IRAK2: variants seen among roughly 807,000 people sequenced by gnomAD.
The protein encoded by IRAK2 is interleukin 1 receptor associated kinase 2, also known as interleukin-1 receptor-associated kinase-like 2.
In IRAK2, 57 loss-of-function variants were observed where a neutral mutation model predicts 72.0. That is an observed-to-expected ratio of 0.79 (90% CI 0.64 to 0.99). IRAK2 has a LOEUF of 0.99. Among genes scored for constraint, IRAK2 ranks in the 50% least tolerant of loss-of-function variants. IRAK2 has a pLI of 0.00. For synonymous variants in IRAK2, 293 were observed against 312.7 expected, an observed-to-expected ratio of 0.94 and a Z score of 0.67; for missense variants, 790 against 794.4, an observed-to-expected ratio of 0.99 and a Z score of 0.07.
Position 10,214,553 on chromosome 3 carries a change from T to A in IRAK2, c.788+1005T>A, listed in dbSNP as rs547889517. On this transcript the variant is annotated intron_variant, in intron 6 of 12. Transcript: ENST00000256458. ...GCCATGTGTGTGCTTTTTTTTTTTT[T>A]AATTATTTTTCATCTGAAACACTTG... is the stretch of plus-strand genomic sequence containing the variant. 9.9e-5 allele frequency among the ~76,000 whole-genome samples: 15 copies of A among 151,046 alleles called. No individual in the cohort carries two copies. In the East Asian group the frequency reaches 1.9e-3, roughly 19 times the overall value.
chr3:10,224,091 C>G (rs1363422426), intron 9 of IRAK2, among the ~76,000 whole-genome samples: 1 of 152,082 alleles, frequency 6.6e-6, no homozygotes, highest in Non-Finnish European at 1.5e-5. Flanking sequence ...AATCTCAGTA[C>G]TTTGGGAGGC....
chr3:10,234,916 T>A (rs1035745329), intron 11 of IRAK2, among the ~76,000 whole-genome samples: 1 of 152,238 alleles, frequency 6.6e-6, no homozygotes, highest in Non-Finnish European at 1.5e-5. Context: ...TCTCTGTGAA[T>A]CGGCTTTATT....
Position 10,242,333 on chromosome 3 carries a change from C to A in IRAK2, c.*105C>A. ...CCAAGATCTGCCAGGAAACACACAA[C>A]AAAACATCTGCTGTCCTGGGTGGGA... On this transcript the variant is annotated 3_prime_UTR_variant, in exon 13 of 13. Coordinates refer to ENST00000256458, the MANE Select transcript of IRAK2 (RefSeq NM_001570.4). 1.6e-6 allele frequency: 1 copy of A among 635,050 alleles called. No homozygotes were observed. Among genetic ancestry groups the A allele is most frequent in the Non-Finnish European group, 2.8e-6 (1 of 362,016 alleles). 39.3% of individuals were successfully genotyped at this position (635,050 alleles called of 1,614,324 possible).
At chr3:10,215,331 T>C (rs1442709662) in intron 6 of IRAK2, among the ~76,000 whole-genome samples, 2 of 146,240 alleles carry the variant, frequency 1.4e-5, no homozygotes, top group Non-Finnish European at 3.0e-5. Context: ...AAAGTGGAGG[T>C]TGCAGTGAGC....
intron 3 of IRAK2, among the ~76,000 whole-genome samples, chr3:10,207,550 C>G (rs994278426): frequency 2.0e-5 from 3 of 152,176 alleles, no homozygotes; most frequent in Non-Finnish European, 2.9e-5. Context: ...GAGGAGCCCC[C>G]CTACCAGATG....
At chr3:10,176,927 C>T (rs1412825520) in intron 1 of IRAK2, among the ~76,000 whole-genome samples, 3 of 151,436 alleles carry the variant, frequency 2.0e-5, no homozygotes, top group African/African-American at 7.3e-5. Context: ...CTCAGCCTCC[C>T]GAGTAGCTGG....
rs1487846635 is a variant in IRAK2 at position 10,242,826 on chromosome 3, GTC to G, written c.*601_*602del. The G allele has an allele frequency of 6.6e-6, 1 of 152,172 alleles. No individual in the cohort carries two copies. Among genetic ancestry groups the G allele is most frequent in the Non-Finnish European group, 1.5e-5 (1 of 68,084 alleles). The allele number at this position is 152,172 out of a possible 1,614,324, so 9.4% of individuals were successfully genotyped here. Reference sequence around the variant, plus strand: ...CTGGCCTGGAAGACTTTCAACTTGTGTCTCAGTGCAGTTCTTGACTCACCTCT... The same window carrying G: ...CTGGCCTGGAAGACTTTCAACTTGTGTCAGTGCAGTTCTTGACTCACCTCT... On this transcript the variant is annotated 3_prime_UTR_variant, in exon 13 of 13. Transcript: ENST00000256458.
At position 10,201,106 on chromosome 3, in the gene IRAK2, C is replaced by G. The variant is rs377496431; in HGVS notation, c.424+591C>G. Among the ~76,000 whole-genome samples the G allele has an allele frequency of 3.3e-4, 51 of 152,276 alleles. No individual in the cohort carries two copies. The East Asian group carries it at 7.3e-3, about 22-fold the overall frequency. ...ATTTTTGTGAGCAGAAAAGAAATAG[C>G]TCGGTAATTGGAGGCTTTCTAGTGC... is the stretch of plus-strand genomic sequence containing the variant. On this transcript the variant is annotated intron_variant, in intron 3 of 12. Transcript: ENST00000256458.
chr3:10,166,510 A>G (rs972519079), intron 1 of IRAK2, among the ~76,000 whole-genome samples: 12 of 152,236 alleles, frequency 7.9e-5, no homozygotes, highest in Admixed American at 1.3e-4. Context: ...TCTGAGCCTC[A>G]GCTTCTGAAT....
chr3:10,183,957 G>GTGAC (rs1304027599), intron 2 of IRAK2, among the ~76,000 whole-genome samples: 2 of 152,162 alleles, frequency 1.3e-5, no homozygotes, highest in African/African-American at 4.8e-5. Flanking sequence ...TCCCTCTCCT[G>GTGAC]TGACTGCCAG....
chr3:10,235,786 T>A (rs1697946720), intron 11 of IRAK2, among the ~76,000 whole-genome samples: 1 of 152,302 alleles, frequency 6.6e-6, no homozygotes, highest in African/African-American at 2.4e-5. Context: ...GACGAGAAGA[T>A]GAGGCCACAG....
intron 2 of IRAK2, among the ~76,000 whole-genome samples, chr3:10,191,721 T>G (rs1209264825): frequency 6.6e-6 from 1 of 152,226 alleles, no homozygotes; most frequent in African/African-American, 2.4e-5. Context: ...CAGCTTTTCC[T>G]GGCCAGCCTA....
At chr3:10,241,641 C>T (rs947247846) in intron 12 of IRAK2, among the ~76,000 whole-genome samples, 2 of 151,244 alleles carry the variant, frequency 1.3e-5, no homozygotes, top group Non-Finnish European at 1.5e-5. Context: ...TCACGCCTGT[C>T]TGTAATCCTA....
chr3:10,212,808 A>C (rs1404626900), intron 4 of IRAK2, among the ~76,000 whole-genome samples: 1 of 129,714 alleles, frequency 7.7e-6, no homozygotes, highest in Non-Finnish European at 1.6e-5. Context: ...TCTGTCACCC[A>C]GGCTGGAGTG....
In IRAK2 at chr3:10,213,048, G is replaced by A. The variant is rs533361457; in HGVS notation, c.529-159G>A. 3.3e-5 allele frequency among the ~76,000 whole-genome samples: 5 copies of A among 151,972 alleles called. No individual in the cohort carries two copies. The South Asian group carries it at 6.2e-4, about 19-fold the overall frequency. On this transcript the variant is annotated intron_variant, in intron 4 of 12. Coordinates refer to ENST00000256458, the MANE Select transcript of IRAK2 (RefSeq NM_001570.4). ...CTCCCAAAGTGCTGGGATTACAGGC[G>A]TGAGCCACCGTGCCCGGCCTATCCA...
intron 2 of IRAK2, among the ~76,000 whole-genome samples, chr3:10,197,540 C>T (rs929245351): frequency 6.6e-6 from 1 of 152,060 alleles, no homozygotes; most frequent in Non-Finnish European, 1.5e-5. Flanking sequence ...GCAGTGTCTC[C>T]ATTAGTCTTC....
chr3:10,242,283 T>C lies in IRAK2; in HGVS notation c.*55T>C. The C allele has an allele frequency of 9.3e-7, 1 of 1,071,224 alleles. No individual in the cohort carries two copies. Among genetic ancestry groups the C allele is most frequent in the Non-Finnish European group, 1.4e-6 (1 of 716,130 alleles). 66.4% of individuals were successfully genotyped at this position (1,071,224 alleles called of 1,614,324 possible). A position where few individuals can be genotyped will look rare whatever the true frequency, so the allele number is the denominator to read the frequency against. ...CTCAGTTGGAAAGATGAGCATCAGA[T>C]CAAGAAAAAGGTCTGAGGCAGAATC... On this transcript the variant is annotated 3_prime_UTR_variant, in exon 13 of 13. Coordinates refer to ENST00000256458, the MANE Select transcript of IRAK2 (RefSeq NM_001570.4).
rs1046207141 is a variant in IRAK2 at position 10,216,959 on chromosome 3, G to A, written c.814G>A (p.Val272Met). The change falls in exon 7 of 13, where the codon GTG becomes ATG. Residue 272 changes from valine (V) to methionine (M), a missense_variant. Val to Met is a conservative substitution (Grantham distance 21). Coordinates refer to ENST00000256458, the MANE Select transcript of IRAK2 (RefSeq NM_001570.4). ...ATGCTGCCACCCCAATGTCTTACCT[G>A]TGCTGGGCTTCTGTGCTGCAAGACA... ...LRCCHPNVLPVLGFCAARQFH... is the reference protein window; with the variant it reads ...LRCCHPNVLPMLGFCAARQFH... 7 of 1,614,034 alleles carry A rather than the reference G, an allele frequency of 4.3e-6. No individual in the cohort carries two copies. Among genetic ancestry groups the A allele is most frequent in the Non-Finnish European group, 5.9e-6 (7 of 1,180,016 alleles).
At chr3:10,183,675 G>A (rs1030835944) in intron 2 of IRAK2, among the ~76,000 whole-genome samples, 1 of 151,988 alleles carries the variant, frequency 6.6e-6, no homozygotes. Context: ...GAGCCAAGAT[G>A]GCACCACTGC....
Sources: gnomAD v4.1 joint callset for allele counts (sites outside exome capture counted in the v4.1 genomes callset) on GRCh38, gnomAD v4.1.1 for gene constraint, MANE v1.5 for transcripts, NCBI Gene and HGNC (gene_info 2026-07-23, HGNC 2026-07-21) for gene names.